Variants in ZRANB3 observed in about 807,000 individuals in gnomAD.
The protein encoded by ZRANB3 is DNA annealing helicase and endonuclease ZRANB3.
ZRANB3 carries 125 observed loss-of-function variants against 133.8 expected under a neutral mutation model. The observed-to-expected ratio is 0.93, with a 90% CI of 0.81 to 1.08. The LOEUF (loss-of-function observed/expected upper bound fraction) is 1.08. Among genes scored for constraint, ZRANB3 ranks in the 50% least tolerant of loss-of-function variants. The probability of loss-of-function intolerance (pLI) is 0.00; values close to 1 mark genes in which losing one functional copy is unlikely to be tolerated. For missense variants in ZRANB3, 1,229 were observed against 1,275.5 expected (o/e 0.96, Z 0.56); for synonymous variants, 387 against 432.7 (o/e 0.89, Z 1.31).
intron 3 of ZRANB3, among the ~76,000 whole-genome samples, chr2:135,378,687 A>G (rs1433809800): frequency 6.6e-6 from 1 of 152,190 alleles, no homozygotes; most frequent in African/African-American, 2.4e-5. Context: ...AATCATATTG[A>G]TAGTATGCAT....
At chr2:135,386,830 G>A (rs1203310238) in intron 3 of ZRANB3, among the ~76,000 whole-genome samples, 1 of 152,038 alleles carries the variant, frequency 6.6e-6, no homozygotes, top group African/African-American at 2.4e-5. Context: ...CATCACACAC[G>A]GGGGCCTTTC....
At chr2:135,220,635 T>C (rs1694504529) in intron 15 of ZRANB3, among the ~76,000 whole-genome samples, 1 of 144,476 alleles carries the variant, frequency 6.9e-6, no homozygotes. Flanking sequence ...GAGGCAGAGA[T>C]TACAGTGAGC....
chr2:135,244,071 C>A (rs1459071877), intron 12 of ZRANB3, among the ~76,000 whole-genome samples: 2 of 145,252 alleles, frequency 1.4e-5, no homozygotes, highest in African/African-American at 5.2e-5. Context: ...TTTAAAGAAT[C>A]TGTTTATTTA....
At chr2:135,263,976 C>T (rs60263828) in intron 12 of ZRANB3, among the ~76,000 whole-genome samples, 5,716 of 145,914 alleles carry the variant, frequency 0.039, 384 homozygotes, top group African/African-American at 0.14. Flanking sequence ...TTAGTAGAAA[C>T]GGGGTTTCAC....
At chr2:135,500,800 T>C (rs1200729121) in intron 2 of ZRANB3, among the ~76,000 whole-genome samples, 3 of 146,880 alleles carry the variant, frequency 2.0e-5, no homozygotes, top group African/African-American at 7.5e-5. Flanking sequence ...ACTGAACAGG[T>C]TGGTTAAACA....
At chr2:135,350,248 T>A (rs1325232058) in intron 4 of ZRANB3, 33 bp from the exon 5 acceptor site, 3 of 1,479,874 alleles carry the variant, frequency 2.0e-6, no homozygotes, top group Non-Finnish European at 2.8e-6. Flanking sequence ...TTAAAAAATA[T>A]CTCAGTAATG....
chr2:135,402,408 C>T (rs1558972789), intron 2 of ZRANB3, among the ~76,000 whole-genome samples: 1 of 151,604 alleles, frequency 6.6e-6, no homozygotes, highest in African/African-American at 2.4e-5. Context: ...GATTCTCCTG[C>T]CTCAGTCTCC....
chr2:135,501,341 T>C (rs1386807443), intron 2 of ZRANB3, among the ~76,000 whole-genome samples: 2 of 152,164 alleles, frequency 1.3e-5, no homozygotes, highest in African/African-American at 4.8e-5. Flanking sequence ...CTCAAAATGT[T>C]TCTGAACATA....
At chr2:135,470,898 T>C (rs1320862513) in intron 2 of ZRANB3, among the ~76,000 whole-genome samples, 3 of 149,998 alleles carry the variant, frequency 2.0e-5, no homozygotes, top group Admixed American at 6.7e-5. Context: ...GCCTCCTGGG[T>C]TCACAGCATT....
intron 2 of ZRANB3, among the ~76,000 whole-genome samples, chr2:135,473,970 A>AT (rs1691390991): frequency 6.6e-6 from 1 of 152,150 alleles, no homozygotes; most frequent in Non-Finnish European, 1.5e-5. Context: ...AGATCAATTG[A>AT]TCTCAGGAGT....
At chr2:135,451,393 C>T (rs1285295710) in intron 2 of ZRANB3, among the ~76,000 whole-genome samples, 1 of 151,906 alleles carries the variant, frequency 6.6e-6, no homozygotes, top group Non-Finnish European at 1.5e-5. Flanking sequence ...GAAACCCCGT[C>T]TCTACTAAAA....
chr2:135,278,686 T>C (rs1171895354), intron 8 of ZRANB3, among the ~76,000 whole-genome samples: 2 of 152,090 alleles, frequency 1.3e-5, no homozygotes, highest in African/African-American at 4.8e-5. Context: ...TAGTGACAAC[T>C]ACACAGAAAA....
In ZRANB3 at chr2:135,271,805, G is replaced by C. The variant is rs1376234590; in HGVS notation, c.1169C>G (p.Thr390Ser). Residue 390 changes from threonine to serine, a missense_variant, in exon 10 of 21, where the codon ACT becomes AGT. Thr to Ser is a moderately conservative substitution (Grantham distance 58, BLOSUM62 1). Coordinates refer to ENST00000264159, the MANE Select transcript of ZRANB3 (RefSeq NM_032143.4). ...LVNQFQKDPDTRVAILSIQAA... is the reference protein window; with the variant it reads ...LVNQFQKDPDSRVAILSIQAA... ...CTGAATGCTTAGGATAGCCACGCGAGTGTCAGGATCCTTTTGAAACTGATT... is the reference window on the plus strand; with the variant it reads ...CTGAATGCTTAGGATAGCCACGCGACTGTCAGGATCCTTTTGAAACTGATT... 6.2e-7 allele frequency: 1 copy of C among 1,613,790 alleles called. No homozygotes were observed. The highest frequency in any genetic ancestry group is 8.5e-7 in the Non-Finnish European group (1 of 1,179,824).
intron 6 of ZRANB3, among the ~76,000 whole-genome samples, chr2:135,344,098 T>A (rs1410688969): frequency 1.3e-5 from 2 of 152,338 alleles, no homozygotes; most frequent in African/African-American, 2.4e-5. Context: ...TCCCTATGTA[T>A]GGTCACTGTT....
intron 13 of ZRANB3, 25 bp downstream of exon 13, chr2:135,230,488 C>G (rs761129990): frequency 1.4e-6 from 2 of 1,473,168 alleles, no homozygotes; most frequent in African/African-American, 2.8e-5. Context: ...GCCCTTACCT[C>G]CATGGTCACC....
chr2:135,247,731 C>A (rs539584470), intron 12 of ZRANB3, among the ~76,000 whole-genome samples: 123 of 152,152 alleles, frequency 8.1e-4, no homozygotes, highest in African/African-American at 2.7e-3. Context: ...CAATCAGCTA[C>A]CAGAAGTGTC....
intron 6 of ZRANB3, among the ~76,000 whole-genome samples, chr2:135,342,735 C>A (rs956103553): frequency 6.7e-6 from 1 of 149,382 alleles, no homozygotes. Context: ...TAATAGTGAA[C>A]ATCCTTTTCT....
intron 2 of ZRANB3, among the ~76,000 whole-genome samples, chr2:135,438,195 G>C (rs1189170138): frequency 6.6e-6 from 1 of 151,860 alleles, no homozygotes; most frequent in Non-Finnish European, 1.5e-5. Flanking sequence ...ATATACTGTT[G>C]GTTCTGTTTC....
At chr2:135,429,173 G>A (rs1042692507) in intron 2 of ZRANB3, among the ~76,000 whole-genome samples, 4 of 152,060 alleles carry the variant, frequency 2.6e-5, no homozygotes, top group Admixed American at 2.6e-4. Context: ...AGAAAATGTG[G>A]TACATATACA....
Sources: allele counts gnomAD v4.1 joint callset (sites outside exome capture counted in the v4.1 genomes callset), GRCh38; gene constraint gnomAD v4.1.1; transcripts MANE v1.5; gene names NCBI Gene and HGNC (gene_info 2026-07-23, HGNC 2026-07-21).